Variants in PCLO observed in about 807,000 individuals in gnomAD.
PCLO encodes piccolo presynaptic cytomatrix protein.
A neutral mutation model predicts 427.5 loss-of-function variants in PCLO; 82 were observed. The ratio of observed to expected loss-of-function variants is 0.19; its 90% CI spans 0.16 to 0.23. The LOEUF (loss-of-function observed/expected upper bound fraction) is 0.23. Among genes scored for constraint, PCLO ranks in the 10% least tolerant of loss-of-function variants. The pLI is 1.00. For missense variants in PCLO, 6,239 were observed against 6,115.9 expected, an observed-to-expected ratio of 1.02 and a Z score of -0.67; for synonymous variants, 2,357 against 2,155.4, an observed-to-expected ratio of 1.09 and a Z score of -2.59.
chr7:82,972,738 C>T (rs900661867), intron 3 of PCLO, among the ~76,000 whole-genome samples: 1 of 152,006 alleles, frequency 6.6e-6, no homozygotes, highest in Non-Finnish European at 1.5e-5. Context: ...ACATCAAGTT[C>T]CCTGCCCACT....
intron 3 of PCLO, among the ~76,000 whole-genome samples, chr7:82,971,751 T>C (rs1202982782): frequency 6.7e-6 from 1 of 149,570 alleles, no homozygotes; most frequent in Non-Finnish European, 1.5e-5. Flanking sequence ...CATATATATA[T>C]ATATATATAT....
rs553894242 is a variant in PCLO at position 83,019,823 on chromosome 7, T to TGGGGCAAAGACTGAAGCA, written c.3301-53354_3301-53337dup. Among the ~76,000 whole-genome samples, 17 of 152,188 alleles carry TGGGGCAAAGACTGAAGCA rather than the reference T, an allele frequency of 1.1e-4. No homozygotes were observed. The East Asian group carries it at 3.1e-3, about 28-fold the overall frequency. On this transcript the variant is annotated intron_variant, in intron 3 of 24. Transcript: ENST00000333891. ...TATGACTAGAGAATCCATCAGACTC[T>TGGGGCAAAGACTGAAGCA]GGGGCAAAGACTGAAGCAGCGGCAA...
At chr7:83,038,395 CT>C in intron 3 of PCLO, among the ~76,000 whole-genome samples, 1 of 151,580 alleles carries the variant, frequency 6.6e-6, no homozygotes, top group Admixed American at 6.6e-5. Flanking sequence ...CCCCATCCTC[CT>C]TCATCCCTAA....
intron 22 of PCLO, among the ~76,000 whole-genome samples, chr7:82,777,848 C>T (rs1790786653): frequency 6.6e-6 from 1 of 152,038 alleles, no homozygotes; most frequent in African/African-American, 2.4e-5. Flanking sequence ...TCCCTCTGGA[C>T]ATAGGAATGG....
intron 6 of PCLO, among the ~76,000 whole-genome samples, 191 bp downstream of exon 6, chr7:82,949,285 A>G (rs896611327): frequency 8.6e-5 from 13 of 151,832 alleles, no homozygotes; most frequent in Non-Finnish European, 1.8e-4. Flanking sequence ...AAGCGCACAC[A>G]CACACGTGTG....
chr7:83,159,352 C>A (rs997738443), intron 1 of PCLO, among the ~76,000 whole-genome samples: 1 of 152,000 alleles, frequency 6.6e-6, no homozygotes, highest in African/African-American at 2.4e-5. Context: ...AGTCAGAATT[C>A]TTATTAAATA....
chr7:83,055,548 T>C (rs1020484855), intron 3 of PCLO, among the ~76,000 whole-genome samples: 13 of 152,086 alleles, frequency 8.5e-5, no homozygotes, highest in Non-Finnish European at 1.2e-4. Context: ...TTAGACACTG[T>C]TTGGATCCAT....
intron 15 of PCLO, among the ~76,000 whole-genome samples, chr7:82,836,246 A>G (rs1792230499): frequency 1.3e-5 from 2 of 152,202 alleles, no homozygotes; most frequent in South Asian, 4.1e-4. Context: ...AGAATATAGA[A>G]TATAAACAAC....
chr7:82,892,968 T>C (rs1793807819), intron 9 of PCLO, among the ~76,000 whole-genome samples: 1 of 152,184 alleles, frequency 6.6e-6, no homozygotes. Flanking sequence ...ACTTTTACAC[T>C]GTTGGTGGGA....
chr7:82,917,485 C>A (rs940653350), intron 6 of PCLO, among the ~76,000 whole-genome samples: 2 of 152,028 alleles, frequency 1.3e-5, no homozygotes, highest in East Asian at 1.9e-4. Flanking sequence ...TCCATTGGAA[C>A]CTTTTAAAAA....
intron 22 of PCLO, among the ~76,000 whole-genome samples, chr7:82,769,151 C>T (rs1468968983): frequency 2.0e-5 from 3 of 152,234 alleles, no homozygotes; most frequent in Non-Finnish European, 4.4e-5. Context: ...CGCTTTAAAA[C>T]ATTTTTGTAA....
intron 2 of PCLO, among the ~76,000 whole-genome samples, chr7:83,143,546 A>C (rs17820625): frequency 9.4e-5 from 1 of 10,632 alleles, no homozygotes; most frequent in African/African-American, 5.8e-4. Context: ...CTCTTTTCAC[A>C]ATAATGCTAA....
intron 9 of PCLO, among the ~76,000 whole-genome samples, chr7:82,891,835 C>T (rs759123391): frequency 3.3e-5 from 5 of 151,856 alleles, no homozygotes; most frequent in Non-Finnish European, 2.9e-5. Flanking sequence ...TGCTGGATTA[C>T]ATTTACCTAG....
At chr7:82,776,262 A>T (rs1190044414) in intron 22 of PCLO, among the ~76,000 whole-genome samples, 1 of 152,338 alleles carries the variant, frequency 6.6e-6, no homozygotes, top group Non-Finnish European at 1.5e-5. Context: ...GGCATGAGCC[A>T]AAATCTATCC....
chr7:83,116,659 ACT>A (rs908704155), intron 3 of PCLO, among the ~76,000 whole-genome samples: 2 of 152,018 alleles, frequency 1.3e-5, no homozygotes, highest in African/African-American at 2.4e-5. Context: ...TTATACATCC[ACT>A]CTTTTAGCAT....
chr7:82,977,196 C>T (rs915106766), intron 3 of PCLO, among the ~76,000 whole-genome samples: 1 of 151,946 alleles, frequency 6.6e-6, no homozygotes, highest in Non-Finnish European at 1.5e-5. Flanking sequence ...ATATATCCTC[C>T]AAGAATAACC....
intron 3 of PCLO, among the ~76,000 whole-genome samples, chr7:82,997,810 T>C (rs1404243931): frequency 6.6e-6 from 1 of 152,062 alleles, no homozygotes; most frequent in Non-Finnish European, 1.5e-5. Flanking sequence ...ACACAGAGTG[T>C]TGGATTCATG....
chr7:82,927,657 A>G (rs1342830294), intron 6 of PCLO, among the ~76,000 whole-genome samples: 2 of 152,170 alleles, frequency 1.3e-5, no homozygotes, highest in East Asian at 1.9e-4. Flanking sequence ...TCTTCTCATC[A>G]TGGTCTTTTA....
At chr7:82,790,170 A>G (rs778411690) in intron 22 of PCLO, among the ~76,000 whole-genome samples, 28 of 151,950 alleles carry the variant, frequency 1.8e-4, no homozygotes, top group Non-Finnish European at 3.7e-4. Context: ...GAGTCCCCCA[A>G]CTTCAGATAA....
Sources: gnomAD v4.1 joint callset for allele counts (sites outside exome capture counted in the v4.1 genomes callset) on GRCh38, gnomAD v4.1.1 for gene constraint, MANE v1.5 for transcripts, NCBI Gene and HGNC (gene_info 2026-07-23, HGNC 2026-07-21) for gene names.